Variants in ANO3 observed in about 807,000 individuals in gnomAD.
ANO3 encodes anoctamin-3.
A neutral mutation model predicts 144.8 loss-of-function variants in ANO3; 99 were observed. The observed-to-expected ratio is 0.68, with a 90% CI of 0.58 to 0.81. ANO3 has a LOEUF of 0.81. Among genes scored for constraint, ANO3 ranks in the 30% least tolerant of loss-of-function variants. The probability of loss-of-function intolerance (pLI) is 0.00; values close to 1 mark genes in which losing one functional copy is unlikely to be tolerated. For synonymous variants in ANO3, 414 were observed against 392.6 expected (o/e 1.05, Z -0.64); for missense variants, 905 against 1,202.2 (o/e 0.75, Z 3.66).
At chr11:26,601,239 T>C (rs1851792063) in intron 17 of ANO3, among the ~76,000 whole-genome samples, 1 of 152,220 alleles carries the variant, frequency 6.6e-6, no homozygotes, top group African/African-American at 2.4e-5. Context: ...ATAGATAATA[T>C]GCATTTGGTT....
chr11:26,605,869 C>CT (rs762016355), intron 17 of ANO3, among the ~76,000 whole-genome samples: 6 of 136,436 alleles, frequency 4.4e-5, no homozygotes, highest in Non-Finnish European at 1.0e-4. Flanking sequence ...TTTTGTTAAT[C>CT]TTTTAAAAAA....
chr11:26,567,945 C>T (rs1276525745), intron 14 of ANO3, among the ~76,000 whole-genome samples: 1 of 151,882 alleles, frequency 6.6e-6, no homozygotes, highest in Non-Finnish European at 1.5e-5. Context: ...AGGCAAAAAG[C>T]TACAATGATA....
intron 5 of ANO3, among the ~76,000 whole-genome samples, chr11:26,512,463 G>A (rs892071015): frequency 4.6e-5 from 7 of 152,016 alleles, no homozygotes; most frequent in Non-Finnish European, 1.0e-4. Flanking sequence ...CATCATCCCC[G>A]CACCAGCCCC....
At chr11:26,618,279 C>T (rs1297903428) in intron 17 of ANO3, among the ~76,000 whole-genome samples, 4 of 151,988 alleles carry the variant, frequency 2.6e-5, no homozygotes, top group African/African-American at 9.7e-5. Context: ...AGCCAGAAAC[C>T]TTAAACTAGT....
At chr11:26,228,099 G>T (rs1299058826) in intron 1 of ANO3, among the ~76,000 whole-genome samples, 1 of 152,210 alleles carries the variant, frequency 6.6e-6, no homozygotes, top group African/African-American at 2.4e-5. Flanking sequence ...GTTTGGACCT[G>T]ATTATAAGCT....
At chr11:26,239,973 T>C (rs139375353) in intron 1 of ANO3, among the ~76,000 whole-genome samples, 2 of 152,326 alleles carry the variant, frequency 1.3e-5, no homozygotes, top group East Asian at 3.9e-4. Flanking sequence ...TATTACAGTA[T>C]AGTATAATAT....
chr11:26,601,723 C>A (rs1156244228), intron 17 of ANO3, among the ~76,000 whole-genome samples: 1 of 152,152 alleles, frequency 6.6e-6, no homozygotes, highest in Non-Finnish European at 1.5e-5. Flanking sequence ...GTAACAAAAT[C>A]AGTACAAACT....
intron 6 of ANO3, among the ~76,000 whole-genome samples, chr11:26,517,478 A>G (rs1861906078): frequency 6.6e-6 from 1 of 152,024 alleles, no homozygotes; most frequent in Admixed American, 6.6e-5. Context: ...CCGTTTCCCT[A>G]TATTGAGTAT....
intron 1 of ANO3, among the ~76,000 whole-genome samples, chr11:26,373,586 A>G (rs904943163): frequency 1.3e-5 from 2 of 152,180 alleles, no homozygotes; most frequent in African/African-American, 4.8e-5. Flanking sequence ...AGATTCTAGG[A>G]CTAAATAGTT....
chr11:26,267,811 TC>T (rs1429935439), intron 1 of ANO3, among the ~76,000 whole-genome samples: 2 of 152,136 alleles, frequency 1.3e-5, no homozygotes, highest in Non-Finnish European at 1.5e-5. Context: ...TGGAGAAAAG[TC>T]CTGAGATTAA....
chr11:26,643,679 CG>C (rs1284531995), intron 23 of ANO3, among the ~76,000 whole-genome samples: 3 of 151,804 alleles, frequency 2.0e-5, no homozygotes, highest in Non-Finnish European at 2.9e-5. Context: ...CGTTTGAACA[CG>C]GGAGGCAGAG....
At chr11:26,373,320 G>C (rs536966124) in intron 1 of ANO3, among the ~76,000 whole-genome samples, 2 of 152,220 alleles carry the variant, frequency 1.3e-5, no homozygotes, top group South Asian at 4.1e-4. Context: ...TTTCATAATA[G>C]CAAATGAGTT....
intron 20 of ANO3, among the ~76,000 whole-genome samples, chr11:26,635,950 C>T (rs1852944154): frequency 1.3e-5 from 2 of 152,148 alleles, no homozygotes; most frequent in Admixed American, 1.3e-4. Flanking sequence ...GTAGTCCCAA[C>T]ACTTTAGGAG....
chr11:26,464,386 G>A (rs926987719), intron 4 of ANO3, among the ~76,000 whole-genome samples: 1 of 151,842 alleles, frequency 6.6e-6, no homozygotes, highest in Non-Finnish European at 1.5e-5. Flanking sequence ...CAAATGAACT[G>A]AGAGGAGGAG....
intron 1 of ANO3, among the ~76,000 whole-genome samples, chr11:26,199,748 T>G (rs926464292): frequency 1.3e-5 from 2 of 152,236 alleles, no homozygotes; most frequent in African/African-American, 4.8e-5. Flanking sequence ...TTAAAATACA[T>G]AAGGCCTACC....
At chr11:26,284,213 G>T (rs940762221) in intron 1 of ANO3, among the ~76,000 whole-genome samples, 3 of 152,200 alleles carry the variant, frequency 2.0e-5, no homozygotes, top group Non-Finnish European at 4.4e-5. Context: ...ATGAAAACAA[G>T]AGAAGGAAGC....
At chr11:26,616,599 A>T (rs1344463204) in intron 17 of ANO3, among the ~76,000 whole-genome samples, 1 of 152,194 alleles carries the variant, frequency 6.6e-6, no homozygotes, top group Non-Finnish European at 1.5e-5. Flanking sequence ...CAAGCATGAC[A>T]GCTCCTAGAA....
At chr11:26,609,025 A>C (rs1852014554) in intron 17 of ANO3, among the ~76,000 whole-genome samples, 1 of 152,146 alleles carries the variant, frequency 6.6e-6, no homozygotes, top group Non-Finnish European at 1.5e-5. Context: ...GCTTTTGAGA[A>C]TCTATGCAGC....
intron 20 of ANO3, among the ~76,000 whole-genome samples, chr11:26,638,658 G>A (rs902036674): frequency 6.6e-6 from 1 of 152,150 alleles, no homozygotes; most frequent in African/African-American, 2.4e-5. Flanking sequence ...ATATACCATG[G>A]TAATGTATGG....
Sources: allele counts gnomAD v4.1 joint callset (sites outside exome capture counted in the v4.1 genomes callset), GRCh38; gene constraint gnomAD v4.1.1; transcripts MANE v1.5; gene names NCBI Gene and HGNC (gene_info 2026-07-23, HGNC 2026-07-21).